Variants in LDB2 observed in about 807,000 individuals in gnomAD.
The protein encoded by LDB2 is LIM domain-binding protein 2.
Under a neutral mutation model 44.3 loss-of-function variants are expected in LDB2, and 12 were observed. That is an observed-to-expected ratio of 0.27 (90% CI 0.17 to 0.44). The LOEUF is 0.44. Among genes scored for constraint, LDB2 ranks in the 20% least tolerant of loss-of-function variants. The pLI, the probability that LDB2 is intolerant of heterozygous loss-of-function variation, is 1.00. For synonymous variants in LDB2, 164 were observed against 174.8 expected, an observed-to-expected ratio of 0.94 and a Z score of 0.49; for missense variants, 344 against 473.5, an observed-to-expected ratio of 0.73 and a Z score of 2.54.
chr4:16,751,022 C>A (rs12501228), intron 2 of LDB2: 29,242 of 152,028 alleles, frequency 0.19, 4,271 homozygotes, highest in African/African-American at 0.39. Context: ...AATATACTCC[C>A]TAAAACCGAA....
chr4:16,609,356 G>T (rs1036134144), intron 2 of LDB2, among the ~76,000 whole-genome samples: 1 of 148,774 alleles, frequency 6.7e-6, no homozygotes, highest in Admixed American at 6.6e-5. Context: ...GGGGGCGGGG[G>T]GGGGAGGGGA....
At chr4:16,880,638 G>C (rs544628576) in intron 1 of LDB2, among the ~76,000 whole-genome samples, 1 of 152,100 alleles carries the variant, frequency 6.6e-6, no homozygotes, top group Non-Finnish European at 1.5e-5. Flanking sequence ...TCTGCCCTTG[G>C]CCCTGTGTCC....
chr4:16,578,424 A>C (rs1347886777), intron 5 of LDB2, among the ~76,000 whole-genome samples: 1 of 152,238 alleles, frequency 6.6e-6, no homozygotes, highest in Non-Finnish European at 1.5e-5. Context: ...AAAAAGAGAC[A>C]TACAAATGGC....
At chr4:16,836,436 T>A (rs1411158231) in intron 1 of LDB2, among the ~76,000 whole-genome samples, 1 of 152,180 alleles carries the variant, frequency 6.6e-6, no homozygotes, top group Admixed American at 6.5e-5. Context: ...AGGTTTCCAT[T>A]TTCCAGCTGG....
chr4:16,789,903 G>T (rs11736178), intron 1 of LDB2, among the ~76,000 whole-genome samples: 1 of 152,192 alleles, frequency 6.6e-6, no homozygotes, highest in East Asian at 1.9e-4. Flanking sequence ...CTGCACTCTA[G>T]CCTGGGTGAC....
At chr4:16,705,789 G>C (rs1754475473) in intron 2 of LDB2, among the ~76,000 whole-genome samples, 1 of 152,070 alleles carries the variant, frequency 6.6e-6, no homozygotes, top group African/African-American at 2.4e-5. Context: ...CCACTTCCTA[G>C]GAGAGTTTAT....
In LDB2 at chr4:16,547,359, AC is replaced by A. The variant is rs1380654479; in HGVS notation, c.616-35256del. Among the ~76,000 whole-genome samples, 13 of 152,318 alleles carry A rather than the reference AC, an allele frequency of 8.5e-5. No individual in the cohort carries two copies. In the East Asian group the frequency reaches 2.3e-3, roughly 27 times the overall value. On this transcript the variant is annotated intron_variant, in intron 5 of 7. Transcript: ENST00000304523. ...TTGGCCTCCAGAACTTTGCAAGGAT[AC>A]GTTTCTGTTGATTTAAACCATGAGG...
rs147574893 is a variant in LDB2, at chr4:16,858,338, C to T, written c.132+40016G>A. On this transcript the variant is annotated intron_variant, in intron 1 of 7. Transcript: ENST00000304523. ...GAGCGCTTTATAAATGCAAGGAATT[C>T]CTGTTTACATTATTGCTCCAAGGAG... Among the ~76,000 whole-genome samples, 6 of 152,268 alleles carry T rather than the reference C, an allele frequency of 3.9e-5. No individual in the cohort carries two copies. The South Asian group carries it at 1.2e-3, about 32-fold the overall frequency.
At chr4:16,702,493 C>A (rs1006963446) in intron 2 of LDB2, among the ~76,000 whole-genome samples, 1 of 152,190 alleles carries the variant, frequency 6.6e-6, no homozygotes, top group African/African-American at 2.4e-5. Context: ...CAATGTGCTC[C>A]TCCAAGGCCA....
chr4:16,856,390 A>C (rs1272316484), intron 1 of LDB2, among the ~76,000 whole-genome samples: 2 of 152,258 alleles, frequency 1.3e-5, no homozygotes, highest in Admixed American at 6.5e-5. Context: ...ATATTCTCAT[A>C]CTCTGAATCC....
chr4:16,522,276 T>TGTGCGTGTGTG (rs1726438868), intron 5 of LDB2, among the ~76,000 whole-genome samples: 3 of 150,234 alleles, frequency 2.0e-5, no homozygotes, highest in African/African-American at 4.9e-5. Context: ...GTGTGTGTGT[T>TGTGCGTGTGTG]TGTGTGTGTG....
chr4:16,707,247 G>A (rs1754804402), intron 2 of LDB2, among the ~76,000 whole-genome samples: 1 of 152,044 alleles, frequency 6.6e-6, no homozygotes, highest in Non-Finnish European at 1.5e-5. Flanking sequence ...CTGAACACTT[G>A]TGACAAATAA....
chr4:16,506,153 G>GTGTT, intron 7 of LDB2: 1 of 604,280 alleles, frequency 1.7e-6, no homozygotes, highest in Non-Finnish European at 2.8e-6. Context: ...CAGTAGAATA[G>GTGTT]TGTTGATAAC....
intron 1 of LDB2, among the ~76,000 whole-genome samples, chr4:16,878,593 G>A (rs570658406): frequency 7.2e-5 from 11 of 152,130 alleles, no homozygotes; most frequent in Non-Finnish European, 1.5e-4. Context: ...ACCAAAAGGA[G>A]TACATTTTCC....
intron 2 of LDB2, among the ~76,000 whole-genome samples, chr4:16,685,028 G>A (rs965593047): frequency 1.3e-5 from 2 of 152,172 alleles, no homozygotes; most frequent in African/African-American, 4.8e-5. Flanking sequence ...AATTAGAGAT[G>A]AAATGGCAGA....
intron 5 of LDB2, among the ~76,000 whole-genome samples, chr4:16,532,734 A>G (rs1464065317): frequency 6.6e-6 from 1 of 152,188 alleles, no homozygotes; most frequent in Non-Finnish European, 1.5e-5. Context: ...CTTGCTCCGA[A>G]TAATAACCAT....
intron 4 of LDB2, among the ~76,000 whole-genome samples, chr4:16,586,864 T>A (rs10446655): frequency 0.32 from 48,236 of 152,072 alleles, 7,804 homozygotes; most frequent in South Asian, 0.36. Flanking sequence ...GGGAGATGGA[T>A]GTAAACATCC....
intron 2 of LDB2, among the ~76,000 whole-genome samples, chr4:16,664,519 A>G (rs193239444): frequency 2.0e-5 from 3 of 152,086 alleles, no homozygotes; most frequent in Non-Finnish European, 4.4e-5. Context: ...GGGAACTAAG[A>G]CCCCCGTGTT....
At chr4:16,719,896 A>G (rs1757880205) in intron 2 of LDB2, among the ~76,000 whole-genome samples, 1 of 152,182 alleles carries the variant, frequency 6.6e-6, no homozygotes. Flanking sequence ...TTTACAGATG[A>G]GGAAACTGAA....
Sources: gnomAD v4.1 joint callset for allele counts (sites outside exome capture counted in the v4.1 genomes callset) on GRCh38, gnomAD v4.1.1 for gene constraint, MANE v1.5 for transcripts, NCBI Gene and HGNC (gene_info 2026-07-23, HGNC 2026-07-21) for gene names.